TRPC4: variants seen among roughly 807,000 people sequenced by gnomAD.
The protein encoded by TRPC4 is transient receptor potential cation channel subfamily C member 4, also known as short transient receptor potential channel 4.
TRPC4 carries 49 observed loss-of-function variants against 99.4 expected under a neutral mutation model. The ratio of observed to expected loss-of-function variants is 0.49; its 90% confidence interval spans 0.39 to 0.63. The LOEUF is 0.63. Ranked by LOEUF, TRPC4 falls within the 20% of genes least tolerant of loss-of-function variation. The probability of loss-of-function intolerance (pLI) is 0.00; values close to 1 mark genes in which losing one functional copy is unlikely to be tolerated. For synonymous variants in TRPC4, 454 were observed against 425.9 expected, an observed-to-expected ratio of 1.07 and a Z score of -0.81; for missense variants, 898 against 1,152.9, an observed-to-expected ratio of 0.78 and a Z score of 3.20.
At chr13:37,780,749 C>T (rs1194693348) in intron 2 of TRPC4, among the ~76,000 whole-genome samples, 2 of 152,042 alleles carry the variant, frequency 1.3e-5, no homozygotes, top group Admixed American at 6.6e-5. Context: ...GTTGCTGAAA[C>T]TTCAGTTTTC....
At chr13:37,818,442 C>A (rs563745491) in intron 1 of TRPC4, among the ~76,000 whole-genome samples, 3 of 152,076 alleles carry the variant, frequency 2.0e-5, no homozygotes, top group Non-Finnish European at 4.4e-5. Context: ...CCCGCAATCC[C>A]ATTACTGGGT....
intron 1 of TRPC4, among the ~76,000 whole-genome samples, chr13:37,850,434 C>T (rs1959025928): frequency 6.6e-6 from 1 of 152,046 alleles, no homozygotes; most frequent in African/African-American, 2.4e-5. Flanking sequence ...TTGTTTAATT[C>T]CTGATGTGAA....
intron 3 of TRPC4, among the ~76,000 whole-genome samples, chr13:37,741,035 G>A (rs539525498): frequency 5.3e-5 from 8 of 152,142 alleles, no homozygotes; most frequent in Non-Finnish European, 1.2e-4. Flanking sequence ...GAAAGGGAAA[G>A]GCAAATTAAA....
chr13:37,713,628 G>T (rs1404544964), intron 3 of TRPC4, among the ~76,000 whole-genome samples: 2 of 152,246 alleles, frequency 1.3e-5, no homozygotes, highest in East Asian at 3.9e-4. Flanking sequence ...AAAAACTGAG[G>T]AAGAAGAGTA....
intron 4 of TRPC4, among the ~76,000 whole-genome samples, chr13:37,691,534 T>C (rs952005820): frequency 7.9e-5 from 12 of 152,216 alleles, no homozygotes; most frequent in African/African-American, 1.2e-4. Context: ...TTTCCTGTTA[T>C]TTTAAATTAA....
chr13:37,839,227 G>C (rs1958660241), intron 1 of TRPC4, among the ~76,000 whole-genome samples: 1 of 152,112 alleles, frequency 6.6e-6, no homozygotes, highest in Admixed American at 6.6e-5. Flanking sequence ...GAGCCATCAT[G>C]TGCCTGCTTT....
intron 3 of TRPC4, among the ~76,000 whole-genome samples, chr13:37,722,018 A>T (rs917667317): frequency 6.6e-6 from 1 of 152,204 alleles, no homozygotes; most frequent in African/African-American, 2.4e-5. Flanking sequence ...GATATTGTAG[A>T]AGATTATGGA....
chr13:37,847,995 T>G (rs1032805475), intron 1 of TRPC4, among the ~76,000 whole-genome samples: 1 of 152,192 alleles, frequency 6.6e-6, no homozygotes, highest in Non-Finnish European at 1.5e-5. Context: ...TAATAATGTA[T>G]GCTACATTTC....
intron 8 of TRPC4, among the ~76,000 whole-genome samples, chr13:37,640,836 T>A (rs1050417182): frequency 1.3e-5 from 2 of 152,174 alleles, no homozygotes; most frequent in African/African-American, 4.8e-5. Context: ...ATAAATATTA[T>A]AACAGAGATC....
At chr13:37,859,022 C>T in intron 1 of TRPC4, among the ~76,000 whole-genome samples, 1 of 151,208 alleles carries the variant, frequency 6.6e-6, no homozygotes, top group Non-Finnish European at 1.5e-5. Flanking sequence ...TGCGTGCCTG[C>T]ATCAAAATAT....
intron 5 of TRPC4, among the ~76,000 whole-genome samples, chr13:37,669,762 C>T (rs1952771454): frequency 6.6e-6 from 1 of 152,142 alleles, no homozygotes; most frequent in Non-Finnish European, 1.5e-5. Flanking sequence ...CTCCAAATCA[C>T]ATAGGTAGGA....
chr13:37,753,583 GAGAGAGAGAGAGAGAGAGAGAGAGAA>G (rs1956004982), intron 2 of TRPC4, among the ~76,000 whole-genome samples: 1 of 120,502 alleles, frequency 8.3e-6, no homozygotes, highest in Non-Finnish European at 1.8e-5. Context: ...GAAAGAGAGA[GAGAGAGAGAGAGAGAGAGAGAGAGAA>G]AGAAAGAAAG....
intron 2 of TRPC4, among the ~76,000 whole-genome samples, chr13:37,760,445 G>C (rs1447375190): frequency 6.6e-6 from 1 of 151,856 alleles, no homozygotes; most frequent in Non-Finnish European, 1.5e-5. Context: ...GGAGGAAGGG[G>C]GAAGGGAAGT....
chr13:37,812,731 G>T (rs574472112), intron 1 of TRPC4, among the ~76,000 whole-genome samples: 109 of 152,130 alleles, frequency 7.2e-4, no homozygotes, highest in African/African-American at 2.6e-3. Flanking sequence ...TTCCAAATTT[G>T]ATAATAATTG....
chr13:37,823,384 C>G (rs1958081668), intron 1 of TRPC4, among the ~76,000 whole-genome samples: 1 of 149,210 alleles, frequency 6.7e-6, no homozygotes. Flanking sequence ...AGGTTTTCTT[C>G]TAGGGTTTTT....
chr13:37,695,813 A>G (rs1953885444), intron 3 of TRPC4, among the ~76,000 whole-genome samples: 1 of 152,160 alleles, frequency 6.6e-6, no homozygotes, highest in Non-Finnish European at 1.5e-5. Flanking sequence ...TCTCATTTTT[A>G]CAAATAGAAT....
rs562591048 is a variant in TRPC4 at position 37,699,302 on chromosome 13, G to A, written c.898-6967C>T. On this transcript the variant is annotated intron_variant, in intron 3 of 10. Coordinates refer to ENST00000379705, the MANE Select transcript of TRPC4 (RefSeq NM_016179.4). The stretch of plus-strand genomic sequence containing the variant: ...CAGGTTTACACACACAAGGATATAT[G>A]TATATACACGTATGTGCATATACAT... Among the ~76,000 whole-genome samples the A allele has an allele frequency of 1.4e-4, 21 of 152,046 alleles. No homozygotes were observed. In the East Asian group the frequency reaches 3.9e-3, roughly 28 times the overall value.
chr13:37,833,381 T>G (rs1479191274), intron 1 of TRPC4, among the ~76,000 whole-genome samples: 1 of 152,204 alleles, frequency 6.6e-6, no homozygotes, highest in South Asian at 2.1e-4. Context: ...ATTCACCTGA[T>G]TGAAAAGTAC....
chr13:37,756,133 C>G (rs775078017), intron 2 of TRPC4, among the ~76,000 whole-genome samples: 2 of 152,090 alleles, frequency 1.3e-5, no homozygotes, highest in Admixed American at 1.3e-4. Context: ...TAATTTAGAA[C>G]CTAAATTTAT....
Sources: gnomAD v4.1 joint callset for allele counts (sites outside exome capture counted in the v4.1 genomes callset) on GRCh38, gnomAD v4.1.1 for gene constraint, MANE v1.5 for transcripts, NCBI Gene and HGNC (gene_info 2026-07-23, HGNC 2026-07-21) for gene names.